BPTF: variants seen among roughly 807,000 people sequenced by gnomAD.
The protein encoded by BPTF is bromodomain PHD finger transcription factor.
BPTF carries 18 observed loss-of-function variants against 292.5 expected under a neutral mutation model. That is an observed-to-expected ratio of 0.06 (90% CI 0.04 to 0.09). The LOEUF (loss-of-function observed/expected upper bound fraction) is 0.09. Ranked by LOEUF, BPTF falls within the 10% of genes least tolerant of loss-of-function variation. The pLI is 1.00. For missense variants in BPTF, 2,726 were observed against 3,498.7 expected, an observed-to-expected ratio of 0.78 and a Z score of 5.57; for synonymous variants, 1,225 against 1,251.9, an observed-to-expected ratio of 0.98 and a Z score of 0.45.
At chr17:67,883,301 G>A (rs1186179930) in intron 4 of BPTF, among the ~76,000 whole-genome samples, 1 of 152,120 alleles carries the variant, frequency 6.6e-6, no homozygotes, top group Non-Finnish European at 1.5e-5. Context: ...GGGCGACAGA[G>A]CGAGACTCCA....
chr17:67,929,344 C>A lies in BPTF; in HGVS notation c.6007C>A (p.Gln2003Lys). The A allele has an allele frequency of 1.2e-6, 2 of 1,612,920 alleles. No individual in the cohort carries two copies. Among genetic ancestry groups the A allele is most frequent in the South Asian group, 2.2e-5 (2 of 90,670 alleles). ...KQGQSNSGVVQVQQKVLGIIP... is the reference protein window; with the variant it reads ...KQGQSNSGVVKVQQKVLGIIP... ...CTTCATCTTTTTTTAAGGCGTTGTT[C>A]AAGTACAGCAGAAAGTCCTGGGTAT... is the stretch of plus-strand genomic sequence containing the variant. Residue 2003 changes from glutamine (Q) to lysine (K), a missense_variant, in exon 17 of 28, where the codon CAA (glutamine) becomes AAA (lysine). Gln to Lys is a moderately conservative substitution (Grantham distance 53). Coordinates refer to ENST00000306378, the MANE Select transcript of BPTF (RefSeq NM_182641.4).
chr17:67,938,078 C>T (rs1241667774), intron 18 of BPTF, among the ~76,000 whole-genome samples: 2 of 152,210 alleles, frequency 1.3e-5, no homozygotes, highest in Admixed American at 1.3e-4. Context: ...GCCCCTCAGC[C>T]TGGGCAATAG....
Position 67,946,304 on chromosome 17 carries a change from A to G in BPTF, c.7596A>G (p.Gln2532=). 1.2e-6 allele frequency: 2 copies of G among 1,613,826 alleles called. No individual in the cohort carries two copies. The highest frequency in any genetic ancestry group is 1.7e-6 in the Non-Finnish European group (2 of 1,179,906). ...AACACACCCTCCAAGCTTCTAATCA[A>G]AGTGAAATCATTCAGAAACAGGTAA... The part of the protein sequence containing the change: ...KREHTLQASN[Q]SEIIQKQVVM... Residue 2532 remains glutamine (Q), a synonymous_variant, in exon 21 of 28, where the codon CAA becomes CAG. Transcript: ENST00000306378.
intron 4 of BPTF, among the ~76,000 whole-genome samples, chr17:67,882,027 A>T (rs981258192): frequency 4.7e-5 from 7 of 147,892 alleles, no homozygotes; most frequent in African/African-American, 1.5e-4. Flanking sequence ...TAGAGACAGG[A>T]TTTCGCCATG....
chr17:67,928,994 G>T lies in BPTF; in HGVS notation c.5999-342G>T, dbSNP rs1474563127. 4.2e-6 allele frequency: 5 copies of T among 1,186,790 alleles called. No homozygotes were observed. In the Admixed American group the frequency reaches 2.1e-4, roughly 50 times the overall value. 73.5% of individuals were successfully genotyped at this position (1,186,790 alleles called of 1,614,324 possible). The stretch of plus-strand genomic sequence containing the variant: ...AGCTGCCACATCTGCTACAACCATT[G>T]CCAGCACAGGTCAGACGTTCCAAAT... On this transcript the variant is annotated intron_variant, in intron 16 of 27. Transcript: ENST00000306378.
At position 67,964,254 on chromosome 17, in the gene BPTF, G is replaced by A; in HGVS notation, c.8304G>A (p.Gly2768=). Residue 2768 remains glycine (G), a synonymous_variant, in exon 25 of 28, where the codon GGG becomes GGA. Transcript: ENST00000306378. ...GCDRCQNWYH[G]RCVGILQSEA... ...ATCGGTGTCAGAATTGGTACCATGGGCGCTGCGTTGGCATCTTGCAAAGTG... is the reference window on the plus strand; with the variant it reads ...ATCGGTGTCAGAATTGGTACCATGGACGCTGCGTTGGCATCTTGCAAAGTG... The A allele has an allele frequency of 6.2e-7, 1 of 1,613,932 alleles. No homozygotes were observed. The highest frequency in any genetic ancestry group is 8.5e-7 in the Non-Finnish European group (1 of 1,179,888).
chr17:67,928,655 C>G, intron 16 of BPTF, 54 bp downstream of exon 16: 1 of 1,520,612 alleles, frequency 6.6e-7, no homozygotes, highest in Non-Finnish European at 8.8e-7. Context: ...AAAGAATTTT[C>G]AACCCTTTAG....
intron 7 of BPTF, among the ~76,000 whole-genome samples, chr17:67,896,965 T>C (rs1440913158): frequency 6.6e-6 from 1 of 152,140 alleles, no homozygotes; most frequent in Admixed American, 6.5e-5. Flanking sequence ...GATCCCATTA[T>C]GTTTTATAAG....
rs75819254 is a variant in BPTF at position 67,846,080 on chromosome 17, C to T, written c.614-7860C>T. On this transcript the variant is annotated intron_variant, in intron 1 of 27. Coordinates refer to ENST00000306378, the MANE Select transcript of BPTF (RefSeq NM_182641.4). Reference sequence around the variant, plus strand: ...TTTCTTGAATATAGGGTAACATTCACTAGTGGTTGATGAACCATTGTATTT... The same window carrying T: ...TTTCTTGAATATAGGGTAACATTCATTAGTGGTTGATGAACCATTGTATTT... Among the ~76,000 whole-genome samples the T allele has an allele frequency of 1.3e-3, 193 of 152,270 alleles. 3 individuals are homozygous for T. The East Asian group carries it at 0.03, about 24-fold the overall frequency.
At chr17:67,942,350 T>C (rs1474351573) in intron 19 of BPTF, among the ~76,000 whole-genome samples, 1 of 151,832 alleles carries the variant, frequency 6.6e-6, no homozygotes, top group East Asian at 1.9e-4. Context: ...ACCAACATTA[T>C]GAGGAAAGAA....
At chr17:67,827,210 C>T (rs1363495442) in intron 1 of BPTF, among the ~76,000 whole-genome samples, 3 of 152,180 alleles carry the variant, frequency 2.0e-5, no homozygotes, top group Non-Finnish European at 4.4e-5. Context: ...GACATAATTG[C>T]CGAAGATGAA....
At chr17:67,929,129 A>G in intron 16 of BPTF, 2 of 1,349,988 alleles carry the variant, frequency 1.5e-6, no homozygotes, top group South Asian at 3.9e-5. Flanking sequence ...AGGTAAGGGA[A>G]ATGTGAAGTT....
Position 67,912,720 on chromosome 17 carries a change from T to G in BPTF, c.4836T>G (p.Thr1612=), listed in dbSNP as rs1457094908. The G allele has an allele frequency of 1.2e-6, 2 of 1,613,916 alleles. No homozygotes were observed. Among genetic ancestry groups the G allele is most frequent in the African/African-American group, 2.7e-5 (2 of 74,932 alleles). Reference sequence around the variant, plus strand: ...AGGTAGAAAAAGGCGATAAGCAAACTGTGGTTTCTTCCACAGAAAATTGTG... The same window carrying G: ...AGGTAGAAAAAGGCGATAAGCAAACGGTGGTTTCTTCCACAGAAAATTGTG... ...VIKVEKGDKQ[T]VVSSTENCAK... is the part of the protein sequence containing the mutation. Residue 1612 remains threonine (T), a synonymous_variant, in exon 11 of 28, where the codon ACT becomes ACG. Coordinates refer to ENST00000306378, the MANE Select transcript of BPTF (RefSeq NM_182641.4).
intron 1 of BPTF, among the ~76,000 whole-genome samples, chr17:67,847,430 C>G (rs918674037): frequency 6.6e-6 from 1 of 151,862 alleles, no homozygotes; most frequent in South Asian, 2.1e-4. Context: ...AGAAGAATAG[C>G]GTGAACCGGG....
At position 67,912,178 on chromosome 17, in the gene BPTF, G is replaced by A. The variant is rs773395483; in HGVS notation, c.4294G>A (p.Val1432Ile). ...CLKEISESRVVSGNVEPKVNN... is the reference protein window; with the variant it reads ...CLKEISESRVISGNVEPKVNN... ...GAAAGAAATTTCTGAGAGTAGAGTA[G>A]TAAGTGGTAATGTTGAACCAAAGGT... Residue 1432 changes from valine (V) to isoleucine (I), a missense_variant, in exon 11 of 28, where the codon GTA becomes ATA. This residue lies in a region of BPTF where 713 missense variants were observed against 714.9 expected (regional missense o/e 1.00). Transcript: ENST00000306378. 6.2e-7 allele frequency: 1 copy of A among 1,611,734 alleles called. No individual in the cohort carries two copies. Among genetic ancestry groups the A allele is most frequent in the Non-Finnish European group, 8.5e-7 (1 of 1,178,836 alleles).
chr17:67,850,344 A>G (rs1206456953), intron 1 of BPTF, among the ~76,000 whole-genome samples: 1 of 152,086 alleles, frequency 6.6e-6, no homozygotes, highest in African/African-American at 2.4e-5. Context: ...TGTAAAACTT[A>G]ACTTTTCTTT....
At chr17:67,918,540 A>T (rs950606594) in intron 11 of BPTF, among the ~76,000 whole-genome samples, 174 bp from the exon 12 acceptor site, 2 of 152,202 alleles carry the variant, frequency 1.3e-5, no homozygotes, top group Non-Finnish European at 2.9e-5. Flanking sequence ...TGAATGAAGA[A>T]GTTTTTCTTT....
At chr17:67,888,359 C>T (rs1318923269) in intron 4 of BPTF, among the ~76,000 whole-genome samples, 5 of 151,838 alleles carry the variant, frequency 3.3e-5, no homozygotes, top group East Asian at 3.9e-4. Context: ...GAGGCCAAGG[C>T]GGGCGGATCA....
chr17:67,908,344 A>G (rs902096045), intron 9 of BPTF, among the ~76,000 whole-genome samples: 10 of 151,854 alleles, frequency 6.6e-5, no homozygotes, highest in Non-Finnish European at 8.8e-5. Flanking sequence ...TTTTTAGTAG[A>G]GATGGGGTTT....
Sources: gnomAD v4.1 joint callset for allele counts (sites outside exome capture counted in the v4.1 genomes callset) on GRCh38, gnomAD v4.1.1 for gene constraint, gnomAD v4.1.1 regional missense constraint, MANE v1.5 for transcripts, NCBI Gene and HGNC (gene_info 2026-07-23, HGNC 2026-07-21) for gene names.